The following KIR3DL3 variants were observed in gnomAD, a reference collection of about 807,000 sequenced individuals.
The protein encoded by KIR3DL3 is killer cell immunoglobulin-like receptor 3DL3.
KIR3DL3 carries 27 observed loss-of-function variants against 34.9 expected under a neutral mutation model. That is an observed-to-expected ratio of 0.77 (90% confidence interval 0.57 to 1.07). KIR3DL3 has a LOEUF of 1.07. Ranked by LOEUF, KIR3DL3 falls within the 50% of genes least tolerant of loss-of-function variation. The pLI is 0.00. For synonymous variants in KIR3DL3, 217 were observed against 200.2 expected (o/e 1.08, Z -0.71); for missense variants, 681 against 528.5 (o/e 1.29, Z -2.83).
At position 54,728,640 on chromosome 19, in the gene KIR3DL3, T is replaced by A. The variant is rs369579518; in HGVS notation, c.655+730T>A. 8.4e-3 allele frequency among the ~76,000 whole-genome samples: 1,263 copies of A among 150,884 alleles called. 15 individuals carry two copies. The highest frequency in any genetic ancestry group is 0.029 in the African/African-American group (1,194 of 41,038). On this transcript the variant is annotated intron_variant, in intron 4 of 7. Coordinates refer to ENST00000291860, the MANE Select transcript of KIR3DL3 (RefSeq NM_153443.5). ...GGGAATTGAGAGACTCACAGACACA[T>A]AAAGAGATAGAAAAAGAGGGCAGAG...
In KIR3DL3 at chr19:54,729,658, G is replaced by T; in HGVS notation, c.821G>T (p.Gly274Val). Residue 274 changes from glycine to valine, a missense_variant, in exon 5 of 8, where the codon GGA becomes GTA. Gly to Val is a moderately radical substitution (Grantham distance 109). Coordinates refer to ENST00000291860, the MANE Select transcript of KIR3DL3 (RefSeq NM_153443.5). ...CTCACTGCAGTGCTGAGGGTCAATG[G>T]AACATTCCAGGCCAACTTCCCTCTG... ...LRLTAVLRVN[G>V]TFQANFPLGP... is the part of the protein sequence containing the mutation. 1 of 1,601,218 alleles carries T rather than the reference G, an allele frequency of 6.2e-7. No homozygotes were observed. The highest frequency in any genetic ancestry group is 8.5e-7 in the Non-Finnish European group (1 of 1,176,920).
chr19:54,725,897 C>G (rs947043468), intron 2 of KIR3DL3, among the ~76,000 whole-genome samples, 156 bp from the exon 3 acceptor site: 16 of 152,152 alleles, frequency 1.1e-4, no homozygotes, highest in Non-Finnish European at 2.1e-4. Context: ...TGTAGGGAGA[C>G]GCCATGTCTA....
intron 3 of KIR3DL3, among the ~76,000 whole-genome samples, 189 bp downstream of exon 3, chr19:54,726,526 C>T (rs1452483939): frequency 2.0e-5 from 3 of 146,868 alleles, no homozygotes; most frequent in Non-Finnish European, 3.0e-5. Context: ...CATGGTAATC[C>T]ATGAACCCTG....
chr19:54,725,645 G>A (rs1235616963), intron 2 of KIR3DL3, among the ~76,000 whole-genome samples: 14 of 152,114 alleles, frequency 9.2e-5, no homozygotes, highest in Admixed American at 4.6e-4. Flanking sequence ...TTTCCATGAC[G>A]GTAGGGGCTG....
At chr19:54,728,649 A>T (rs2068460190) in intron 4 of KIR3DL3, among the ~76,000 whole-genome samples, 1 of 152,140 alleles carries the variant, frequency 6.6e-6, no homozygotes, top group Non-Finnish European at 1.5e-5. Flanking sequence ...ATAAAGAGAT[A>T]GAAAAAGAGG....
chr19:54,733,659 C>A (rs1457128134), intron 5 of KIR3DL3, among the ~76,000 whole-genome samples: 2 of 152,184 alleles, frequency 1.3e-5, no homozygotes, highest in African/African-American at 2.4e-5. Flanking sequence ...TCAGGTTAAA[C>A]CTCTTCCTTA....
At position 54,735,992 on chromosome 19, in the gene KIR3DL3, C is replaced by G. The variant is rs1336405604; in HGVS notation, c.1129C>G (p.Gln377Glu). 1.9e-6 allele frequency: 3 copies of G among 1,613,428 alleles called. No homozygotes were observed. Among genetic ancestry groups the G allele is most frequent in the South Asian group, 1.1e-5 (1 of 91,040 alleles). ...NREDSDEQDPQEVTYAQLNHC... is the reference protein window; with the variant it reads ...NREDSDEQDPEEVTYAQLNHC... ...CCAGGACTCTGATGAACAAGACCCT[C>G]AGGAGGTGACATACGCACAGTTGAA... Residue 377 changes from glutamine (Q) to glutamate (E), a missense_variant, in exon 8 of 8, where the codon CAG (glutamine) becomes GAG (glutamate). Transcript: ENST00000291860.
chr19:54,734,753 A>T (rs1264518360), intron 5 of KIR3DL3, among the ~76,000 whole-genome samples: 2 of 146,458 alleles, frequency 1.4e-5, no homozygotes, highest in African/African-American at 5.1e-5. Context: ...ATTTCTTGTG[A>T]CGGCCTCAGG....
Position 54,726,239 on chromosome 19 carries a change from C to T in KIR3DL3, c.257C>T (p.Thr86Ile), listed in dbSNP as rs1600166713. Residue 86 changes from threonine to isoleucine, a missense_variant, in exon 3 of 8, where the codon ACC (threonine) becomes ATC (isoleucine). Thr to Ile is a moderately conservative substitution (Grantham distance 89). Coordinates refer to ENST00000291860, the MANE Select transcript of KIR3DL3 (RefSeq NM_153443.5). ...AACAGCTTTCTCATGGGCCCTGTGACCCCAGCACATGCAGGGACCTACAGA... is the reference window on the plus strand; with the variant it reads ...AACAGCTTTCTCATGGGCCCTGTGATCCCAGCACATGCAGGGACCTACAGA... ...FRNSFLMGPV[T>I]PAHAGTYRCC... 2 of 1,613,934 alleles carry T rather than the reference C, an allele frequency of 1.2e-6. No individual in the cohort carries two copies. The highest frequency in any genetic ancestry group is 2.2e-5 in the East Asian group (1 of 44,872).
At chr19:54,727,991 G>A in intron 4 of KIR3DL3, 81 bp downstream of exon 4, 2 of 1,374,538 alleles carry the variant, frequency 1.5e-6, no homozygotes, top group South Asian at 2.7e-5. Flanking sequence ...AGGTGGTCAT[G>A]AGGAAGATGA....
chr19:54,734,586 G>T (rs2069225003), intron 5 of KIR3DL3, among the ~76,000 whole-genome samples: 1 of 150,614 alleles, frequency 6.6e-6, no homozygotes, highest in Non-Finnish European at 1.5e-5. Context: ...GACAGCCCAG[G>T]CTGTTCTGGG....
intron 5 of KIR3DL3, among the ~76,000 whole-genome samples, chr19:54,732,682 G>T (rs1189529230): frequency 2.0e-5 from 3 of 152,236 alleles, no homozygotes; most frequent in African/African-American, 7.2e-5. Flanking sequence ...AAGATTGGCG[G>T]AAGGATTTTC....
rs1430524821 is a variant in KIR3DL3 at position 54,724,467 on chromosome 19, G to A, written c.-30G>A. ...CTGTGTGCTGCTGAACTGAGCTGGG[G>A]CGCAGCCGCCTGTCTGCACCGGCAG... On this transcript the variant is annotated 5_prime_UTR_variant, in exon 1 of 8. Coordinates refer to ENST00000291860, the MANE Select transcript of KIR3DL3 (RefSeq NM_153443.5). 3.2e-5 allele frequency: 52 copies of A among 1,612,712 alleles called. No individual in the cohort carries two copies. Among genetic ancestry groups the A allele is most frequent in the Non-Finnish European group, 3.9e-5 (46 of 1,180,038 alleles).
intron 2 of KIR3DL3, 134 bp downstream of exon 2, chr19:54,725,416 AG>A: frequency 2.7e-6 from 2 of 741,734 alleles, no homozygotes; most frequent in Non-Finnish European, 4.3e-6. Context: ...CTCATGAACT[AG>A]GAAAAGGAAG....
chr19:54,736,337 C>T lies in KIR3DL3; in HGVS notation c.*241C>T, dbSNP rs545760514. 13 of 574,420 alleles carry T rather than the reference C, an allele frequency of 2.3e-5. No homozygotes were observed. The East Asian group carries it at 3.5e-4, about 15-fold the overall frequency. The allele number at this position is 574,420 out of a possible 1,614,324, so 35.6% of individuals were successfully genotyped here. A position where few individuals can be genotyped will look rare whatever the true frequency, so the allele number is the denominator to read the frequency against. ...TGCTTACAAATGTCTAAGGTCCCCA[C>T]TGCCTGCTGGAGAGAAAACACACTT... On this transcript the variant is annotated 3_prime_UTR_variant, in exon 8 of 8. Transcript: ENST00000291860.
At chr19:54,725,311 T>C in intron 2 of KIR3DL3, 29 bp downstream of exon 2, 2 of 1,536,936 alleles carry the variant, frequency 1.3e-6, no homozygotes, top group South Asian at 2.6e-5. Flanking sequence ...CCTTAGGTTG[T>C]CATCTCCCCA....
intron 5 of KIR3DL3, among the ~76,000 whole-genome samples, chr19:54,730,123 GT>G (rs1344255866): frequency 1.3e-5 from 2 of 152,074 alleles, no homozygotes; most frequent in Non-Finnish European, 2.9e-5. Context: ...ATCCTGGCCT[GT>G]CACCCACAGA....
intron 4 of KIR3DL3, among the ~76,000 whole-genome samples, chr19:54,729,209 T>G (rs1397511914): frequency 6.7e-6 from 1 of 149,888 alleles, no homozygotes; most frequent in African/African-American, 2.5e-5. Flanking sequence ...GACTCAGAAT[T>G]AAAGAAAGAG....
At chr19:54,729,992 C>T (rs1182020545) in intron 5 of KIR3DL3, among the ~76,000 whole-genome samples, 2 of 148,998 alleles carry the variant, frequency 1.3e-5, no homozygotes, top group Non-Finnish European at 3.0e-5. Context: ...GATCAGGGTT[C>T]CAGGCACCCA....
Sources: gnomAD v4.1 joint callset for allele counts (sites outside exome capture counted in the v4.1 genomes callset) on GRCh38, gnomAD v4.1.1 for gene constraint, MANE v1.5 for transcripts, NCBI Gene and HGNC (gene_info 2026-07-23, HGNC 2026-07-21) for gene names.